FYB2: variants seen among roughly 807,000 people sequenced by gnomAD.
The protein encoded by FYB2 is FYN binding protein 2, also known as FYN-binding protein 2.
Under a neutral mutation model 94.1 loss-of-function variants are expected in FYB2, and 103 were observed. That is an observed-to-expected ratio of 1.09 (90% CI 0.93 to 1.29). The LOEUF (loss-of-function observed/expected upper bound fraction) is 1.29, where lower values mean the gene tolerates loss of function less well. FYB2 is among the 50% of genes most tolerant of loss of function. The pLI, the probability that FYB2 is intolerant of heterozygous loss-of-function variation, is 0.00. For missense variants in FYB2, 896 were observed against 841.5 expected, an observed-to-expected ratio of 1.06 and a Z score of -0.80; for synonymous variants, 293 against 287.9, an observed-to-expected ratio of 1.02 and a Z score of -0.18.
intron 17 of FYB2, among the ~76,000 whole-genome samples, chr1:56,723,159 G>T (rs917491154): frequency 5.9e-5 from 9 of 151,808 alleles, no homozygotes; most frequent in African/African-American, 1.9e-4. Flanking sequence ...ATGAGACAGG[G>T]TTTCTTTCTC....
intron 4 of FYB2, among the ~76,000 whole-genome samples, chr1:56,779,914 G>A (rs1027475298): frequency 2.0e-5 from 3 of 152,058 alleles, no homozygotes; most frequent in Non-Finnish European, 2.9e-5. Flanking sequence ...CTCTGAAACA[G>A]GGCAAGCCAT....
intron 1 of FYB2, among the ~76,000 whole-genome samples, chr1:56,803,763 C>T (rs1477358908): frequency 6.6e-6 from 1 of 152,202 alleles, no homozygotes; most frequent in Non-Finnish European, 1.5e-5. Context: ...CTAGTGTGGG[C>T]CTTGTTTTCC....
intron 1 of FYB2, among the ~76,000 whole-genome samples, chr1:56,815,552 A>G (rs1226497764): frequency 1.3e-5 from 2 of 152,146 alleles, no homozygotes; most frequent in African/African-American, 2.4e-5. Context: ...TTACCCTCAA[A>G]TTGAACAAGA....
intron 17 of FYB2, chr1:56,720,994 T>G (rs1644474988): frequency 6.6e-6 from 1 of 152,144 alleles, no homozygotes; most frequent in South Asian, 2.1e-4. Context: ...CTGTGTGAGC[T>G]TATGTATTCT....
intron 1 of FYB2, among the ~76,000 whole-genome samples, chr1:56,812,458 T>C (rs1448271169): frequency 1.3e-5 from 2 of 152,170 alleles, no homozygotes; most frequent in East Asian, 1.9e-4. Context: ...ACAGTAACAA[T>C]ACCATGAAGA....
chr1:56,813,660 T>G (rs1304185558), intron 1 of FYB2, among the ~76,000 whole-genome samples: 1 of 152,026 alleles, frequency 6.6e-6, no homozygotes. Context: ...TTGGGAGGGG[T>G]GGGTGACACA....
intron 8 of FYB2, among the ~76,000 whole-genome samples, 178 bp from the exon 9 acceptor site, chr1:56,751,381 T>C (rs1278970801): frequency 2.6e-5 from 4 of 152,056 alleles, no homozygotes; most frequent in Admixed American, 1.3e-4. Flanking sequence ...ATATCCTTCA[T>C]TACCTCTGAA....
chr1:56,809,416 G>C (rs544264644), intron 1 of FYB2, among the ~76,000 whole-genome samples: 1 of 151,364 alleles, frequency 6.6e-6, no homozygotes, highest in Admixed American at 6.6e-5. Flanking sequence ...CACTAGATTT[G>C]CTCTTCCTTT....
At chr1:56,732,519 C>A in intron 15 of FYB2, among the ~76,000 whole-genome samples, 1 of 152,136 alleles carries the variant, frequency 6.6e-6, no homozygotes. Context: ...CCCCAAGTAG[C>A]TGAAGCAATT....
At chr1:56,807,026 A>C (rs1646663210) in intron 1 of FYB2, among the ~76,000 whole-genome samples, 1 of 151,994 alleles carries the variant, frequency 6.6e-6, no homozygotes, top group Admixed American at 6.6e-5. Flanking sequence ...CCCCACACTC[A>C]CTCAGCATTG....
chr1:56,729,311 T>C (rs1644651837), intron 15 of FYB2, among the ~76,000 whole-genome samples: 2 of 152,090 alleles, frequency 1.3e-5, no homozygotes, highest in Admixed American at 6.6e-5. Flanking sequence ...TGGCTGTGCA[T>C]TGGGGATGGG....
At chr1:56,805,037 T>A (rs1393756055) in intron 1 of FYB2, among the ~76,000 whole-genome samples, 1 of 152,176 alleles carries the variant, frequency 6.6e-6, no homozygotes, top group Non-Finnish European at 1.5e-5. Flanking sequence ...TCTTTTGAGA[T>A]TTTTTAGCTG....
Position 56,785,004 on chromosome 1 carries a change from C to T in FYB2, c.953+2171G>A, listed in dbSNP as rs139350738. ...TCTCTTTTGCCTGTCACTCTTTCAG[C>T]GCTATGGCCCACATCATAATCACTG... On this transcript the variant is annotated intron_variant, in intron 4 of 19. Coordinates refer to ENST00000343433, the MANE Select transcript of FYB2 (RefSeq NM_001004303.5). Among the ~76,000 whole-genome samples, 754 of 152,260 alleles carry T rather than the reference C, an allele frequency of 5.0e-3. 5 individuals carry two copies. Among genetic ancestry groups the T allele is most frequent in the African/African-American group, 0.017 (719 of 41,552 alleles).
chr1:56,746,313 A>T (rs1645065972), intron 9 of FYB2, among the ~76,000 whole-genome samples: 1 of 151,994 alleles, frequency 6.6e-6, no homozygotes, highest in Non-Finnish European at 1.5e-5. Context: ...CATTACATTT[A>T]TAGTGTTTAC....
intron 1 of FYB2, among the ~76,000 whole-genome samples, chr1:56,803,457 A>G (rs931145096): frequency 6.6e-6 from 1 of 152,192 alleles, no homozygotes; most frequent in East Asian, 1.9e-4. Context: ...AGCTCCAGGC[A>G]TAATCAATGG....
Position 56,719,448 on chromosome 1 carries a change from A to AGAT in FYB2, c.*220_*222dup, listed in dbSNP as rs1223088392. 3 of 488,262 alleles carry AGAT rather than the reference A, an allele frequency of 6.1e-6. No homozygotes were observed. The highest frequency in any genetic ancestry group is 1.1e-5 in the Non-Finnish European group (3 of 276,600). The allele number at this position is 488,262 out of a possible 1,614,324, so 30.2% of individuals were successfully genotyped here. On this transcript the variant is annotated 3_prime_UTR_variant, in exon 20 of 20. Coordinates refer to ENST00000343433, the MANE Select transcript of FYB2 (RefSeq NM_001004303.5). ...CATTCTCTTGAACTGACAGTGAAGTAGATACTGAAATAGACATTGAAAGAT... is the reference window on the plus strand; with the variant it reads ...CATTCTCTTGAACTGACAGTGAAGTAGATGATACTGAAATAGACATTGAAAGAT...
intron 13 of FYB2, among the ~76,000 whole-genome samples, chr1:56,739,324 G>C (rs1467830429): frequency 6.6e-6 from 1 of 151,880 alleles, no homozygotes; most frequent in South Asian, 2.1e-4. Flanking sequence ...CTAAGGCCAG[G>C]GTCTGCCTTT....
intron 17 of FYB2, among the ~76,000 whole-genome samples, chr1:56,723,231 A>T (rs1007851623): frequency 6.6e-6 from 1 of 151,954 alleles, no homozygotes. Context: ...ACACGCACAC[A>T]CACACACAAA....
At chr1:56,788,919 G>C in intron 3 of FYB2, 54 bp downstream of exon 3, 1 of 1,599,480 alleles carries the variant, frequency 6.3e-7, no homozygotes, top group Middle Eastern at 1.7e-4. Flanking sequence ...AGAGGATGTG[G>C]AGACGGAGGT....
Sources: allele counts gnomAD v4.1 joint callset (sites outside exome capture counted in the v4.1 genomes callset), GRCh38; gene constraint gnomAD v4.1.1; transcripts MANE v1.5; gene names NCBI Gene and HGNC (gene_info 2026-07-23, HGNC 2026-07-21).